NRG3: variants seen among roughly 807,000 people sequenced by gnomAD.
NRG3 encodes neuregulin 3.
NRG3 carries 31 observed loss-of-function variants against 66.9 expected under a neutral mutation model. That is an observed-to-expected ratio of 0.46 (90% CI 0.35 to 0.63). The LOEUF is 0.63. Ranked by LOEUF, NRG3 falls within the 20% of genes least tolerant of loss-of-function variation. The probability of loss-of-function intolerance (pLI) is 0.00; values close to 1 mark genes in which losing one functional copy is unlikely to be tolerated. For missense variants in NRG3, 910 were observed against 878.9 expected (o/e 1.04, Z -0.45); for synonymous variants, 393 against 359.4 (o/e 1.09, Z -1.06).
intron 1 of NRG3, among the ~76,000 whole-genome samples, chr10:82,064,593 C>T (rs1480880824): frequency 6.6e-6 from 1 of 152,022 alleles, no homozygotes; most frequent in Non-Finnish European, 1.5e-5. Context: ...AAATGTAAAG[C>T]TATAGACGGA....
chr10:82,375,283 A>G (rs2085144955), intron 2 of NRG3, among the ~76,000 whole-genome samples: 1 of 152,172 alleles, frequency 6.6e-6, no homozygotes, highest in South Asian at 2.1e-4. Flanking sequence ...CATGCCTGTA[A>G]TCCCAGCACT....
chr10:82,531,683 C>T (rs961542517), intron 2 of NRG3, among the ~76,000 whole-genome samples: 1 of 151,848 alleles, frequency 6.6e-6, no homozygotes, highest in African/African-American at 2.4e-5. Context: ...TGAATACACA[C>T]ATACACACAG....
At chr10:82,346,768 T>C (rs2083053701) in intron 1 of NRG3, among the ~76,000 whole-genome samples, 1 of 152,068 alleles carries the variant, frequency 6.6e-6, no homozygotes, top group Non-Finnish European at 1.5e-5. Context: ...ATTCAGAGAT[T>C]CAATTTCTTC....
At chr10:82,644,005 A>G (rs1313157469) in intron 2 of NRG3, among the ~76,000 whole-genome samples, 1 of 152,094 alleles carries the variant, frequency 6.6e-6, no homozygotes, top group Non-Finnish European at 1.5e-5. Flanking sequence ...CCCTGGATAT[A>G]GGGGTTAATT....
At chr10:82,386,774 G>A (rs1300693173) in intron 2 of NRG3, among the ~76,000 whole-genome samples, 3 of 151,906 alleles carry the variant, frequency 2.0e-5, no homozygotes, top group Non-Finnish European at 4.4e-5. Flanking sequence ...GTCTTGGCAG[G>A]TTTTCTTTTT....
At chr10:82,439,131 A>G (rs2090304472) in intron 2 of NRG3, among the ~76,000 whole-genome samples, 1 of 152,160 alleles carries the variant, frequency 6.6e-6, no homozygotes, top group African/African-American at 2.4e-5. Flanking sequence ...AAGTCAAGAA[A>G]GAGTGTTTCT....
intron 1 of NRG3, among the ~76,000 whole-genome samples, chr10:82,108,565 T>C (rs1044612245): frequency 3.3e-5 from 5 of 152,192 alleles, no homozygotes; most frequent in African/African-American, 4.8e-5. Context: ...ATAATCTGAA[T>C]ATAAATATTG....
At chr10:82,586,774 AT>A (rs1312427067) in intron 2 of NRG3, among the ~76,000 whole-genome samples, 6 of 152,186 alleles carry the variant, frequency 3.9e-5, no homozygotes, top group Non-Finnish European at 8.8e-5. Context: ...TACAATACAT[AT>A]TTTTTAAAAT....
At chr10:81,888,798 G>T (rs554036658) in intron 1 of NRG3, among the ~76,000 whole-genome samples, 2 of 152,228 alleles carry the variant, frequency 1.3e-5, no homozygotes, top group East Asian at 3.9e-4. Context: ...AGTCAGAATG[G>T]GTTGCAAGGA....
In NRG3 at chr10:82,850,526, A is replaced by G. The variant is rs779547175; in HGVS notation, c.1028-14885A>G. ...TGAAAAAAGAAAAATTACTTAAAAC[A>G]AAAATTCAAACTGAATTGACACCAA... On this transcript the variant is annotated intron_variant, in intron 3 of 8. Coordinates refer to ENST00000372141, the MANE Select transcript of NRG3 (RefSeq NM_001010848.4). 7.2e-5 allele frequency among the ~76,000 whole-genome samples: 11 copies of G among 152,244 alleles called. 1 individual carries two copies. The highest frequency in any genetic ancestry group is 1.2e-4 in the Non-Finnish European group (8 of 68,040).
intron 3 of NRG3, among the ~76,000 whole-genome samples, chr10:82,836,348 T>A (rs753216443): frequency 6.6e-6 from 1 of 152,176 alleles, no homozygotes; most frequent in South Asian, 2.1e-4. Flanking sequence ...AACTGATAGT[T>A]TACAGATGTC....
intron 5 of NRG3, among the ~76,000 whole-genome samples, chr10:82,957,658 A>C (rs1050792433): frequency 6.6e-6 from 1 of 151,902 alleles, no homozygotes; most frequent in Non-Finnish European, 1.5e-5. Context: ...CTGCAAGGAC[A>C]TATGCCCAGC....
At chr10:82,813,701 C>T (rs1439345949) in intron 3 of NRG3, among the ~76,000 whole-genome samples, 2 of 152,172 alleles carry the variant, frequency 1.3e-5, no homozygotes, top group African/African-American at 4.8e-5. Flanking sequence ...TTTTGTAACA[C>T]AGTCTCATTT....
intron 1 of NRG3, among the ~76,000 whole-genome samples, chr10:82,258,793 G>A (rs1246450724): frequency 6.6e-6 from 1 of 152,158 alleles, no homozygotes; most frequent in Non-Finnish European, 1.5e-5. Context: ...GGTGTGAAAT[G>A]CCAGTCTTAT....
At chr10:82,804,562 A>C (rs1464852048) in intron 3 of NRG3, among the ~76,000 whole-genome samples, 2 of 152,194 alleles carry the variant, frequency 1.3e-5, no homozygotes, top group Non-Finnish European at 2.9e-5. Context: ...AATCATTATC[A>C]TTCTTATTGC....
intron 1 of NRG3, among the ~76,000 whole-genome samples, chr10:82,035,935 C>G (rs2062774059): frequency 6.6e-6 from 1 of 152,090 alleles, no homozygotes; most frequent in Admixed American, 6.6e-5. Flanking sequence ...AAATTGAGGT[C>G]TTACAATATC....
At chr10:82,523,428 T>A (rs996423168) in intron 2 of NRG3, among the ~76,000 whole-genome samples, 11 of 152,152 alleles carry the variant, frequency 7.2e-5, no homozygotes, top group African/African-American at 2.4e-4. Context: ...ATTGTCATTG[T>A]TTCTTTTTTG....
intron 1 of NRG3, among the ~76,000 whole-genome samples, chr10:82,176,598 T>A (rs550174494): frequency 6.6e-6 from 1 of 152,230 alleles, no homozygotes; most frequent in African/African-American, 2.4e-5. Flanking sequence ...TTGTCTCCCA[T>A]CTCCAGCGGT....
intron 1 of NRG3, among the ~76,000 whole-genome samples, chr10:82,076,798 A>G (rs374401290): frequency 6.6e-6 from 1 of 152,216 alleles, no homozygotes; most frequent in Non-Finnish European, 1.5e-5. Context: ...TGCTTCTCAT[A>G]TAGCCTGCAG....
Sources: gnomAD v4.1 joint callset for allele counts (sites outside exome capture counted in the v4.1 genomes callset) on GRCh38, gnomAD v4.1.1 for gene constraint, MANE v1.5 for transcripts, NCBI Gene and HGNC (gene_info 2026-07-23, HGNC 2026-07-21) for gene names.